Variants in ELP4 observed in about 807,000 individuals in gnomAD.
The protein encoded by ELP4 is elongator acetyltransferase complex subunit 4.
ELP4 carries 51 observed loss-of-function variants against 48.9 expected under a neutral mutation model. That is an observed-to-expected ratio of 1.04 (90% CI 0.83 to 1.32). The LOEUF is 1.32. ELP4 is among the 40% of genes most tolerant of loss of function. The pLI, the probability that ELP4 is intolerant of heterozygous loss-of-function variation, is 0.00. For synonymous variants in ELP4, 210 were observed against 189.2 expected (o/e 1.11, Z -0.90); for missense variants, 519 against 514.6 (o/e 1.01, Z -0.08).
chr11:31,682,854 G>A (rs1381317429), intron 9 of ELP4, among the ~76,000 whole-genome samples: 1 of 152,124 alleles, frequency 6.6e-6, no homozygotes. Flanking sequence ...AAGTCATTTG[G>A]ACTATCAAAT....
intron 9 of ELP4, among the ~76,000 whole-genome samples, chr11:31,781,487 CCTT>C: frequency 7.9e-6 from 1 of 126,916 alleles, no homozygotes; most frequent in African/African-American, 3.0e-5. Flanking sequence ...GATTCCTGAG[CCTT>C]TTTTTTTTTT....
At chr11:31,774,768 ACTT>A (rs2134276115) in intron 9 of ELP4, among the ~76,000 whole-genome samples, 1 of 152,320 alleles carries the variant, frequency 6.6e-6, no homozygotes, top group South Asian at 2.1e-4. Context: ...AGGTGGTAGA[ACTT>A]CAGTGCCTCA....
At chr11:31,512,668 T>C (rs1265018295) in intron 1 of ELP4, 1 of 152,188 alleles carries the variant, frequency 6.6e-6, no homozygotes, top group African/African-American at 2.4e-5. Flanking sequence ...ATAACACTTA[T>C]ATTTTGGAAA....
chr11:31,621,939 ATTG>A (rs1016503421), intron 5 of ELP4, among the ~76,000 whole-genome samples: 1 of 151,810 alleles, frequency 6.6e-6, no homozygotes, highest in African/African-American at 2.4e-5. Context: ...GTGTCCCTTA[ATTG>A]TCGCACAGCC....
At chr11:31,595,008 A>C in intron 4 of ELP4, 107 bp downstream of exon 4, 3 of 891,488 alleles carry the variant, frequency 3.4e-6, no homozygotes, top group Non-Finnish European at 4.9e-6. Flanking sequence ...TTAAAGAATT[A>C]GCTGTTTCAT....
intron 9 of ELP4, among the ~76,000 whole-genome samples, chr11:31,727,106 T>C (rs2134194890): frequency 6.6e-6 from 1 of 152,038 alleles, no homozygotes; most frequent in East Asian, 1.9e-4. Context: ...ATGGACAGTA[T>C]CAGTGTCCTC....
chr11:31,697,357 G>A (rs1041657633), intron 9 of ELP4, among the ~76,000 whole-genome samples: 8 of 151,824 alleles, frequency 5.3e-5, no homozygotes, highest in African/African-American at 1.9e-4. Flanking sequence ...TCTACATCAG[G>A]GCTTTCATTT....
At chr11:31,688,843 A>G (rs1946215449) in intron 9 of ELP4, among the ~76,000 whole-genome samples, 1 of 152,228 alleles carries the variant, frequency 6.6e-6, no homozygotes, top group African/African-American at 2.4e-5. Context: ...CTACATAAAA[A>G]GAAAACAAAT....
At chr11:31,568,716 G>C (rs1353515605) in intron 3 of ELP4, among the ~76,000 whole-genome samples, 2 of 152,164 alleles carry the variant, frequency 1.3e-5, no homozygotes, top group African/African-American at 4.8e-5. Flanking sequence ...GGGAAAACTG[G>C]CTATCCACGT....
intron 9 of ELP4, among the ~76,000 whole-genome samples, chr11:31,761,005 G>T (rs1947933969): frequency 6.6e-6 from 1 of 152,078 alleles, no homozygotes; most frequent in East Asian, 1.9e-4. Context: ...GCTCTCTTAG[G>T]AATTAAACTA....
At chr11:31,616,667 A>T (rs1266512055) in intron 5 of ELP4, among the ~76,000 whole-genome samples, 1 of 152,110 alleles carries the variant, frequency 6.6e-6, no homozygotes. Context: ...TTTGCAAATT[A>T]TATATCTCAT....
At chr11:31,755,409 AC>A (rs1454990007) in intron 9 of ELP4, among the ~76,000 whole-genome samples, 1 of 152,168 alleles carries the variant, frequency 6.6e-6, no homozygotes, top group Non-Finnish European at 1.5e-5. Flanking sequence ...TATTACAGAA[AC>A]CTGACAGACA....
chr11:31,687,872 G>T (rs186856627), intron 9 of ELP4, among the ~76,000 whole-genome samples: 1 of 152,062 alleles, frequency 6.6e-6, no homozygotes, highest in Non-Finnish European at 1.5e-5. Context: ...AAGAATCAGG[G>T]TTACCCCCAA....
chr11:31,542,578 A>C (rs754848626), intron 3 of ELP4, among the ~76,000 whole-genome samples: 7 of 152,202 alleles, frequency 4.6e-5, no homozygotes, highest in Non-Finnish European at 7.4e-5. Context: ...TGCATTGGTA[A>C]AGAGCAAAAT....
In ELP4 at chr11:31,510,575, C is replaced by A. The variant is rs1592068284; in HGVS notation, c.223+568C>A. On this transcript the variant is annotated intron_variant, in intron 1 of 9. Coordinates refer to ENST00000640961, the MANE Select transcript of ELP4 (RefSeq NM_019040.5). ...ATAATCCTTATAAAGTATTTTGAGC[C>A]TGTCGTTGATATTTAGATAGTGTCT... 2.5e-5 allele frequency: 10 copies of A among 394,734 alleles called. No individual in the cohort carries two copies. In the East Asian group the frequency reaches 3.6e-4, roughly 14 times the overall value. The allele number at this position is 394,734 out of a possible 1,614,324, so 24.5% of individuals were successfully genotyped here.
intron 9 of ELP4, among the ~76,000 whole-genome samples, chr11:31,757,742 T>C (rs1324680672): frequency 6.6e-6 from 1 of 152,180 alleles, no homozygotes; most frequent in African/African-American, 2.4e-5. Flanking sequence ...CTGATAGGAC[T>C]CATTACACAA....
intron 7 of ELP4, 142 bp from the exon 8 acceptor site, chr11:31,647,599 A>C (rs1945229564): frequency 3.5e-6 from 2 of 565,522 alleles, no homozygotes; most frequent in African/African-American, 1.9e-5. Flanking sequence ...TTCAGCCTAT[A>C]GTAGCTTTAA....
At chr11:31,694,878 C>T (rs572918306) in intron 9 of ELP4, among the ~76,000 whole-genome samples, 1 of 152,104 alleles carries the variant, frequency 6.6e-6, no homozygotes, top group Non-Finnish European at 1.5e-5. Context: ...TCCTTGACAT[C>T]CCTTGTAAGT....
chr11:31,768,881 C>T (rs537579893), intron 9 of ELP4, among the ~76,000 whole-genome samples: 13 of 152,170 alleles, frequency 8.5e-5, no homozygotes, highest in South Asian at 4.1e-4. Context: ...TAGGGAGGGA[C>T]GAAAGAGGAC....
Sources: gnomAD v4.1 joint callset for allele counts (sites outside exome capture counted in the v4.1 genomes callset) on GRCh38, gnomAD v4.1.1 for gene constraint, MANE v1.5 for transcripts, NCBI Gene and HGNC (gene_info 2026-07-23, HGNC 2026-07-21) for gene names.